The following IQUB variants were observed in gnomAD, a reference collection of about 807,000 sequenced individuals.
The protein encoded by IQUB is IQ motif and ubiquitin domain containing.
Under a neutral mutation model 86.4 loss-of-function variants are expected in IQUB, and 86 were observed. The ratio of observed to expected loss-of-function variants is 1.00; its 90% CI spans 0.84 to 1.19. The LOEUF is 1.19. Ranked by LOEUF, IQUB falls within the 50% of genes most tolerant of loss-of-function variation. The pLI is 0.00. For missense variants in IQUB, 946 were observed against 916.9 expected, an observed-to-expected ratio of 1.03 and a Z score of -0.41; for synonymous variants, 289 against 304.5, an observed-to-expected ratio of 0.95 and a Z score of 0.53.
At chr7:123,497,586 AT>A (rs1240325800) in intron 6 of IQUB, among the ~76,000 whole-genome samples, 2 of 151,852 alleles carry the variant, frequency 1.3e-5, no homozygotes, top group Non-Finnish European at 2.9e-5. Flanking sequence ...AGAGTTTATC[AT>A]TTTTTTCTGA....
intron 8 of IQUB, among the ~76,000 whole-genome samples, chr7:123,474,529 T>C (rs1202625338): frequency 3.9e-5 from 6 of 152,296 alleles, no homozygotes; most frequent in Non-Finnish European, 7.4e-5. Flanking sequence ...AAGACTAAAA[T>C]TTATCTTAAT....
At chr7:123,453,755 T>C (rs28576228) in intron 12 of IQUB, among the ~76,000 whole-genome samples, 4,289 of 152,298 alleles carry the variant, frequency 0.028, 178 homozygotes, top group African/African-American at 0.096. Flanking sequence ...TAAATCATTA[T>C]AAATTGCTTT....
intron 11 of IQUB, 114 bp downstream of exon 11, chr7:123,461,243 A>G: frequency 2.8e-6 from 3 of 1,055,808 alleles, no homozygotes; most frequent in Non-Finnish European, 4.1e-6. Flanking sequence ...CTTACAGTCT[A>G]GTGGAATAGA....
At chr7:123,514,353 C>A (rs1218880990) in intron 1 of IQUB, among the ~76,000 whole-genome samples, 1 of 151,938 alleles carries the variant, frequency 6.6e-6, no homozygotes, top group Non-Finnish European at 1.5e-5. Context: ...ACTAAGTTAC[C>A]ACCAAGATAT....
intron 10 of IQUB, among the ~76,000 whole-genome samples, chr7:123,461,806 TC>T (rs1362164320): frequency 6.6e-6 from 1 of 151,858 alleles, no homozygotes; most frequent in Non-Finnish European, 1.5e-5. Flanking sequence ...CAGTATTTAT[TC>T]ATCCTGCCAA....
intron 1 of IQUB, among the ~76,000 whole-genome samples, chr7:123,530,352 C>T (rs903116869): frequency 2.6e-5 from 4 of 151,860 alleles, no homozygotes; most frequent in African/African-American, 7.3e-5. Flanking sequence ...AGGAGAATCG[C>T]TTCAACCTGG....
At chr7:123,457,283 GAAGT>G in intron 12 of IQUB, 94 bp downstream of exon 12, 1 of 1,467,732 alleles carries the variant, frequency 6.8e-7, no homozygotes, top group Non-Finnish European at 9.0e-7. Flanking sequence ...TAATCTGATG[GAAGT>G]ATTTAAGCAT....
At chr7:123,469,089 C>T in intron 9 of IQUB, 125 bp downstream of exon 9, 15 of 601,282 alleles carry the variant, frequency 2.5e-5, no homozygotes, top group South Asian at 1.5e-4. Flanking sequence ...ATGCATAAAC[C>T]ACATCCTTCC....
intron 7 of IQUB, among the ~76,000 whole-genome samples, chr7:123,488,302 C>T (rs1408114086): frequency 6.7e-6 from 1 of 149,460 alleles, no homozygotes; most frequent in Non-Finnish European, 1.5e-5. Context: ...GATCACACCA[C>T]TCCACTCCAG....
At chr7:123,463,729 A>G (rs1480437781) in intron 10 of IQUB, among the ~76,000 whole-genome samples, 1 of 151,770 alleles carries the variant, frequency 6.6e-6, no homozygotes, top group African/African-American at 2.4e-5. Flanking sequence ...ATGACTCTAT[A>G]CATTTTTCAG....
At chr7:123,457,220 C>G in intron 12 of IQUB, 161 bp downstream of exon 12, 1 of 967,634 alleles carries the variant, frequency 1.0e-6, no homozygotes, top group Non-Finnish European at 1.2e-6. Context: ...TTAATCTGTG[C>G]CATATATGCC....
At position 123,529,831 on chromosome 7, in the gene IQUB, A is replaced by G. The variant is rs568691941; in HGVS notation, c.-5+4661T>C. On this transcript the variant is annotated intron_variant, in intron 1 of 12. Coordinates refer to ENST00000324698, the MANE Select transcript of IQUB (RefSeq NM_178827.5). ...AGACGGATCACAAGGTCAGGAGATC[A>G]AGACCATCCTGGCCAACATGATAAA... is the stretch of plus-strand genomic sequence containing the variant. Among the ~76,000 whole-genome samples the G allele has an allele frequency of 5.8e-4, 88 of 151,918 alleles. 1 individual carries two copies. Among genetic ancestry groups the G allele is most frequent in the African/African-American group, 2.1e-3 (86 of 41,452 alleles).
intron 8 of IQUB, among the ~76,000 whole-genome samples, chr7:123,473,493 C>A (rs191850584): frequency 6.6e-6 from 1 of 152,222 alleles, no homozygotes; most frequent in Non-Finnish European, 1.5e-5. Context: ...ATATTAGAAA[C>A]CAGCTGATGA....
chr7:123,503,861 G>T (rs1422386375), intron 3 of IQUB, among the ~76,000 whole-genome samples: 1 of 151,950 alleles, frequency 6.6e-6, no homozygotes, highest in African/African-American at 2.4e-5. Context: ...TGGCATTCTT[G>T]AGAAGGAATT....
chr7:123,488,043 CAA>C (rs1054030165), intron 7 of IQUB, among the ~76,000 whole-genome samples: 85 of 151,858 alleles, frequency 5.6e-4, no homozygotes, highest in African/African-American at 2.0e-3. Context: ...GACAGCATAA[CAA>C]ACAATTTTCT....
chr7:123,510,253 C>T (rs1456366669), intron 2 of IQUB, among the ~76,000 whole-genome samples: 1 of 151,960 alleles, frequency 6.6e-6, no homozygotes, highest in Admixed American at 6.6e-5. Flanking sequence ...AAAATCAACC[C>T]ATAATCTCAA....
intron 8 of IQUB, among the ~76,000 whole-genome samples, chr7:123,476,805 C>T (rs1794765120): frequency 6.6e-6 from 1 of 151,516 alleles, no homozygotes; most frequent in Admixed American, 6.6e-5. Context: ...AGAGCTTTTT[C>T]CCTACAGGCA....
At chr7:123,511,822 T>A in intron 2 of IQUB, 122 bp downstream of exon 2, 1 of 681,816 alleles carries the variant, frequency 1.5e-6, no homozygotes, top group Non-Finnish European at 2.3e-6. Flanking sequence ...GTTTGGTGGA[T>A]AAGGGAAAGG....
chr7:123,464,243 A>G (rs1383013616), intron 10 of IQUB, among the ~76,000 whole-genome samples: 2 of 151,892 alleles, frequency 1.3e-5, no homozygotes, highest in Non-Finnish European at 2.9e-5. Flanking sequence ...TTGGCTTTAG[A>G]GAGCCACAGA....
Sources: gnomAD v4.1 joint callset for allele counts (sites outside exome capture counted in the v4.1 genomes callset) on GRCh38, gnomAD v4.1.1 for gene constraint, MANE v1.5 for transcripts, NCBI Gene and HGNC (gene_info 2026-07-23, HGNC 2026-07-21) for gene names.